The following RRM1 variants were observed in gnomAD, a reference collection of about 807,000 sequenced individuals.
The protein encoded by RRM1 is ribonucleotide reductase catalytic subunit M1.
Under a neutral mutation model 101.5 loss-of-function variants are expected in RRM1, and 19 were observed. The observed-to-expected ratio is 0.19, with a 90% CI of 0.13 to 0.27. The LOEUF is 0.27. Among genes scored for constraint, RRM1 ranks in the 10% least tolerant of loss-of-function variants. The pLI is 1.00. For synonymous variants in RRM1, 298 were observed against 323.4 expected, an observed-to-expected ratio of 0.92 and a Z score of 0.84; for missense variants, 500 against 962.9, an observed-to-expected ratio of 0.52 and a Z score of 6.36.
At chr11:4,127,887 A>G (rs566272941) in intron 14 of RRM1, among the ~76,000 whole-genome samples, 7 of 152,298 alleles carry the variant, frequency 4.6e-5, no homozygotes, top group Non-Finnish European at 1.0e-4. Flanking sequence ...ACAGGTCAGG[A>G]GTCCAGACTT....
chr11:4,122,353 T>G (rs975690210), intron 11 of RRM1, 133 bp downstream of exon 11: 1 of 616,738 alleles, frequency 1.6e-6, no homozygotes, highest in Non-Finnish European at 2.7e-6. Flanking sequence ...ATAATTTTGG[T>G]CAGATTTGCT....
At chr11:4,108,336 C>T (rs530868056) in intron 4 of RRM1, among the ~76,000 whole-genome samples, 51 of 152,264 alleles carry the variant, frequency 3.3e-4, no homozygotes, top group South Asian at 1.0e-3. Context: ...CGGTAGCTCA[C>T]GCCTGTAATC....
chr11:4,109,503 T>C (rs2094562612), intron 4 of RRM1, 141 bp from the exon 5 acceptor site: 2 of 480,144 alleles, frequency 4.2e-6, no homozygotes, highest in Non-Finnish European at 7.2e-6. Context: ...TGGACTTCTA[T>C]TCTACAGTAA....
At chr11:4,098,486 C>T (rs1406889545) in intron 1 of RRM1, among the ~76,000 whole-genome samples, 4 of 151,002 alleles carry the variant, frequency 2.6e-5, no homozygotes, top group East Asian at 2.0e-4. Context: ...CTGTGGATAC[C>T]GTGCTGTTCA....
rs752910084 is a variant in RRM1, at chr11:4,129,056, G to C, written c.1693-18G>C. On this transcript the variant is annotated intron_variant, in intron 14 of 18. Transcript: ENST00000300738. ...TTTTAACTTGCTGTAGAATAAATTT[G>C]AGTTGTGTATTCCTTAGATTCTTCA... is the stretch of plus-strand genomic sequence containing the variant. 2 of 1,233,268 alleles carry C rather than the reference G, an allele frequency of 1.6e-6. No individual in the cohort carries two copies. The highest frequency in any genetic ancestry group is 2.8e-5 in the South Asian group (2 of 70,232). The allele number at this position is 1,233,268 out of a possible 1,614,324, so 76.4% of individuals were successfully genotyped here. A position where few individuals can be genotyped will look rare whatever the true frequency, so the allele number is the denominator to read the frequency against.
Position 4,138,279 on chromosome 11 carries a change from G to T in RRM1, c.2275G>T (p.Asp759Tyr). 1 of 1,611,184 alleles carries T rather than the reference G, an allele frequency of 6.2e-7. No homozygotes were observed. The highest frequency in any genetic ancestry group is 8.5e-7 in the Non-Finnish European group (1 of 1,177,616). The change falls in exon 19 of 19, where the codon GAT becomes TAT. Residue 759 changes from aspartate to tyrosine, a missense_variant. Coordinates refer to ENST00000300738, the MANE Select transcript of RRM1 (RefSeq NM_001033.5). ...CACTCTAAATAAGGAGAAGCTAAAA[G>T]ATAAAGAAAAGGTATCAAAAGAGGA... ...QFTLNKEKLKDKEKVSKEEEE... is the reference protein window; with the variant it reads ...QFTLNKEKLKYKEKVSKEEEE...
intron 17 of RRM1, 137 bp from the exon 18 acceptor site, chr11:4,134,945 A>G (rs573928018): frequency 9.4e-6 from 5 of 532,206 alleles, no homozygotes; most frequent in Non-Finnish European, 1.6e-5. Context: ...GATAAGGATC[A>G]TATCATATGA....
At position 4,138,648 on chromosome 11, in the gene RRM1, A is replaced by C; in HGVS notation, c.*265A>C. ...ATCAAAGTAGAAGTTTTAGGAATGC[A>C]AAATAAGTCATCTTGCATACAGGGA... On this transcript the variant is annotated 3_prime_UTR_variant, in exon 19 of 19. Transcript: ENST00000300738. 1 of 283,588 alleles carries C rather than the reference A, an allele frequency of 3.5e-6. No individual in the cohort carries two copies. Among genetic ancestry groups the C allele is most frequent in the Non-Finnish European group, 6.5e-6 (1 of 152,808 alleles). The allele number at this position is 283,588 out of a possible 1,614,324, so 17.6% of individuals were successfully genotyped here.
At chr11:4,111,757 G>A in intron 6 of RRM1, 117 bp downstream of exon 6, 9 of 1,214,246 alleles carry the variant, frequency 7.4e-6, no homozygotes, top group Non-Finnish European at 1.0e-5. Context: ...TGGACTTTAG[G>A]TTTAGTTTGT....
Position 4,096,411 on chromosome 11 carries a change from TG to T in RRM1, c.19+1381del, listed in dbSNP as rs2094543616. ...GTATCAAAATGTAGGACACGATGAA[TG>T]CTGTGAATAAGCAGGTAGTTGATTT... On this transcript the variant is annotated intron_variant, in intron 1 of 18. Transcript: ENST00000300738. 3.3e-5 allele frequency among the ~76,000 whole-genome samples: 5 copies of T among 152,246 alleles called. No individual in the cohort carries two copies. The South Asian group carries it at 8.3e-4, about 25-fold the overall frequency.
Position 4,123,192 on chromosome 11 carries a change from A to G in RRM1, c.1128A>G (p.Lys376=). 6.2e-7 allele frequency: 1 copy of G among 1,613,932 alleles called. No homozygotes were observed. The highest frequency in any genetic ancestry group is 8.5e-7 in the Non-Finnish European group (1 of 1,179,814). ...TATCTGTGCCTTTCAGTTATGAGAA[A>G]CAAGGTCGTGTCCGCAAAGTTGTAA... ...EFEKLYASYE[K]QGRVRKVVKA... The change falls in exon 12 of 19, where the codon AAA becomes AAG. Residue 376 remains lysine, a synonymous_variant. Coordinates refer to ENST00000300738, the MANE Select transcript of RRM1 (RefSeq NM_001033.5).
rs752041637 is a variant in RRM1, at chr11:4,127,053, C to T, written c.1489C>T (p.Arg497Cys). 1.1e-5 allele frequency: 17 copies of T among 1,608,940 alleles called. No homozygotes were observed. The highest frequency in any genetic ancestry group is 1.7e-5 in the Admixed American group (1 of 58,426). ...CACAAAGGCATGCCTATCAAATAAACGCCATCGCCCCATTGGAATTGGGGT... is the reference window on the plus strand; with the variant it reads ...CACAAAGGCATGCCTATCAAATAAATGCCATCGCCCCATTGGAATTGGGGT... Reference protein sequence around the residue: ...PVPEACLSNKRHRPIGIGVQG... With the variant: ...PVPEACLSNKCHRPIGIGVQG... The change falls in exon 14 of 19, where the codon CGC (arginine) becomes TGC (cysteine). Residue 497 changes from arginine (R) to cysteine (C), a missense_variant. Coordinates refer to ENST00000300738, the MANE Select transcript of RRM1 (RefSeq NM_001033.5).
rs1291144169 is a variant in RRM1, at chr11:4,102,030, A to C, written c.57A>C (p.Thr19=). The C allele has an allele frequency of 5.6e-6, 9 of 1,606,488 alleles. 1 individual carries two copies. The highest frequency in any genetic ancestry group is 1.3e-5 in the African/African-American group (1 of 74,754). Residue 19 remains threonine (T), a synonymous_variant, in exon 2 of 19, where the codon ACA becomes ACC. Transcript: ENST00000300738. ...AACGAGTCATGTTTGACAAAATTAC[A>C]TCTCGAATCCAGAAGCTTTGTTATG... ...RQERVMFDKI[T]SRIQKLCYGL...
intron 1 of RRM1, among the ~76,000 whole-genome samples, chr11:4,100,275 T>C (rs2094549297): frequency 6.6e-6 from 1 of 152,256 alleles, no homozygotes. Context: ...AGAATACAGA[T>C]GTGAATCAGA....
intron 1 of RRM1, 134 bp downstream of exon 1, chr11:4,095,165 C>T (rs2094541798): frequency 9.2e-7 from 1 of 1,086,892 alleles, no homozygotes; most frequent in African/African-American, 1.6e-5. Context: ...GGCCTTCCGC[C>T]CTGTCAGCCC....
chr11:4,132,464 G>T lies in RRM1; in HGVS notation c.1905+43G>T. On this transcript the variant is annotated intron_variant, in intron 16 of 18. Transcript: ENST00000300738. This position sits in a 1 kb window ranked among gnomAD's most constrained non-coding sequence, Gnocchi z 4.1. ...AGCCTTACAGGGAGATCTTTCAAAA[G>T]CCTGATGTTGGGAGTAAATGCTCAC... 1 of 1,607,010 alleles carries T rather than the reference G, an allele frequency of 6.2e-7. No individual in the cohort carries two copies.
chr11:4,104,704 C>T (rs372089861), intron 2 of RRM1, among the ~76,000 whole-genome samples: 2 of 152,098 alleles, frequency 1.3e-5, no homozygotes, highest in Non-Finnish European at 2.9e-5. Flanking sequence ...CAGAGATTAT[C>T]AAAGTTGATA....
At chr11:4,119,683 A>G in intron 8 of RRM1, 162 bp from the exon 9 acceptor site, 1 of 607,292 alleles carries the variant, frequency 1.6e-6, no homozygotes, top group South Asian at 1.9e-5. Flanking sequence ...TGTTGATTTT[A>G]TTTGGGCATT....
chr11:4,121,884 C>T, intron 10 of RRM1, 119 bp downstream of exon 10: 1 of 947,714 alleles, frequency 1.1e-6, no homozygotes, highest in Non-Finnish European at 1.6e-6. Flanking sequence ...AGAAGGCATT[C>T]TGAACAAGTT....
Sources: gnomAD v4.1 joint callset for allele counts (sites outside exome capture counted in the v4.1 genomes callset) on GRCh38, gnomAD v4.1.1 for gene constraint, Gnocchi (gnomAD v3.1) non-coding constraint, MANE v1.5 for transcripts, NCBI Gene and HGNC (gene_info 2026-07-23, HGNC 2026-07-21) for gene names.